The following NTM variants were observed in gnomAD, a reference collection of about 807,000 sequenced individuals.
NTM encodes the protein neurotrimin, also known as IgLON family member 2.
In NTM, 13 loss-of-function variants were observed where a neutral mutation model predicts 42.1. The observed-to-expected ratio is 0.31, with a 90% CI of 0.20 to 0.49. NTM has a LOEUF of 0.49. NTM is among the 20% of genes least tolerant of loss of function. The pLI is 0.99. For missense variants in NTM, 373 were observed against 452.8 expected (o/e 0.82, Z 1.60); for synonymous variants, 187 against 179.2 (o/e 1.04, Z -0.35).
rs879093992 is a variant in NTM, at chr11:132,322,290, T to C, written c.934+7587T>C. ...TGCTGTATTCAGGAAACCCATCTCA[T>C]GTGCAGAGACACACATAGGCTCAAA... On this transcript the variant is annotated intron_variant, in intron 7 of 8. Coordinates refer to ENST00000683400, the MANE Select transcript of NTM (RefSeq NM_001352005.2). 8.6e-3 allele frequency among the ~76,000 whole-genome samples: 1,306 copies of C among 151,768 alleles called. 21 individuals are homozygous for C. The highest frequency in any genetic ancestry group is 8.8e-3 in the Non-Finnish European group (600 of 67,894).
At chr11:132,165,155 G>T (rs1172698493) in intron 3 of NTM, among the ~76,000 whole-genome samples, 1 of 152,066 alleles carries the variant, frequency 6.6e-6, no homozygotes, top group Non-Finnish European at 1.5e-5. Flanking sequence ...GGAACCTAAT[G>T]GAATCTCCTC....
intron 1 of NTM, among the ~76,000 whole-genome samples, chr11:131,438,545 C>T (rs111857997): frequency 7.9e-5 from 12 of 152,122 alleles, no homozygotes; most frequent in African/African-American, 9.7e-5. Flanking sequence ...CTTCAATCAC[C>T]GATACCCTTT....
At chr11:132,082,922 T>C (rs1159035557) in intron 2 of NTM, among the ~76,000 whole-genome samples, 1 of 152,190 alleles carries the variant, frequency 6.6e-6, no homozygotes, top group Non-Finnish European at 1.5e-5. Context: ...ATTCTGAGGC[T>C]GCTGGCAGGC....
chr11:132,072,764 G>C (rs79304599), intron 2 of NTM, among the ~76,000 whole-genome samples: 2,284 of 152,234 alleles, frequency 0.015, 71 homozygotes, highest in African/African-American at 0.053. Context: ...CCCCGGGAGA[G>C]AGGCACAGGG....
chr11:131,585,909 C>A (rs527317460), intron 1 of NTM, among the ~76,000 whole-genome samples: 1 of 152,274 alleles, frequency 6.6e-6, no homozygotes, highest in Admixed American at 6.5e-5. Context: ...AGATTCTCAC[C>A]AATTTGCCAG....
At chr11:131,487,024 G>A (rs191067871) in intron 1 of NTM, among the ~76,000 whole-genome samples, 24 of 152,128 alleles carry the variant, frequency 1.6e-4, no homozygotes, top group African/African-American at 4.6e-4. Flanking sequence ...GTAGCACCAC[G>A]CACCCACTTG....
At chr11:131,413,067 A>C (rs1946588534) in intron 1 of NTM, among the ~76,000 whole-genome samples, 1 of 152,136 alleles carries the variant, frequency 6.6e-6, no homozygotes, top group African/African-American at 2.4e-5. Flanking sequence ...TGTGAGGTTC[A>C]CACAACTCTT....
At chr11:131,391,645 A>G (rs184398349) in intron 1 of NTM, among the ~76,000 whole-genome samples, 4,203 of 22,476 alleles carry the variant, frequency 0.19, 185 homozygotes, top group African/African-American at 0.27. Flanking sequence ...TTTATCTGGG[A>G]AAAAAAAAAA....
chr11:131,490,539 T>C (rs958200769), intron 1 of NTM, among the ~76,000 whole-genome samples: 1 of 152,154 alleles, frequency 6.6e-6, no homozygotes, highest in Non-Finnish European at 1.5e-5. Context: ...TGAATTCAGC[T>C]GGGTGCGCCT....
rs150107352 is a variant in NTM at position 132,245,703 on chromosome 11, G to A, written c.526+33556G>A. ...TTCCCACTGCCAGCTGGCCTGCAGT[G>A]GATGTTATTTGCCTCCCAGCACTGA... On this transcript the variant is annotated intron_variant, in intron 4 of 8. Transcript: ENST00000683400. Among the ~76,000 whole-genome samples the A allele has an allele frequency of 4.1e-4, 62 of 152,160 alleles. 1 individual carries two copies. The East Asian group carries it at 6.4e-3, about 16-fold the overall frequency.
intron 1 of NTM, among the ~76,000 whole-genome samples, chr11:131,530,920 G>A (rs1335378990): frequency 6.6e-6 from 1 of 152,256 alleles, no homozygotes; most frequent in Non-Finnish European, 1.5e-5. Flanking sequence ...TGGGAGAGAA[G>A]GGAGAACAGT....
At chr11:131,780,277 G>C (rs1160442116) in intron 1 of NTM, among the ~76,000 whole-genome samples, 16 of 152,140 alleles carry the variant, frequency 1.1e-4, no homozygotes, top group Admixed American at 5.2e-4. Flanking sequence ...GGTGCAGAGA[G>C]GAGTGCATAA....
At chr11:131,508,996 T>C (rs1174340418) in intron 1 of NTM, among the ~76,000 whole-genome samples, 2 of 151,798 alleles carry the variant, frequency 1.3e-5, no homozygotes, top group Non-Finnish European at 2.9e-5. Context: ...GTAACTAACC[T>C]GCACAATGTG....
At chr11:131,727,883 A>G (rs2079147696) in intron 1 of NTM, among the ~76,000 whole-genome samples, 1 of 152,224 alleles carries the variant, frequency 6.6e-6, no homozygotes, top group African/African-American at 2.4e-5. Context: ...AACATGATAT[A>G]TAGCATGCGT....
intron 1 of NTM, among the ~76,000 whole-genome samples, chr11:131,896,662 A>T (rs1240767994): frequency 1.3e-5 from 2 of 149,988 alleles, no homozygotes; most frequent in Non-Finnish European, 3.0e-5. Context: ...TACATGCCAA[A>T]TGGAGTACAT....
chr11:132,088,944 G>T (rs535473816), intron 2 of NTM, among the ~76,000 whole-genome samples: 1 of 151,974 alleles, frequency 6.6e-6, no homozygotes, highest in Non-Finnish European at 1.5e-5. Context: ...ACAAAAAGAA[G>T]CCAGAAACAG....
At chr11:132,304,817 C>A (rs138761886) in intron 4 of NTM, among the ~76,000 whole-genome samples, 1 of 152,244 alleles carries the variant, frequency 6.6e-6, no homozygotes, top group East Asian at 1.9e-4. Context: ...AACTGGTGAG[C>A]AATGAAGTCA....
At chr11:131,957,039 G>T (rs1169734864) in intron 2 of NTM, among the ~76,000 whole-genome samples, 1 of 152,200 alleles carries the variant, frequency 6.6e-6, no homozygotes, top group African/African-American at 2.4e-5. Flanking sequence ...TTAGATGGGG[G>T]AATATCATCT....
intron 1 of NTM, among the ~76,000 whole-genome samples, chr11:131,698,906 T>C (rs1186926582): frequency 6.6e-6 from 1 of 152,250 alleles, no homozygotes; most frequent in East Asian, 1.9e-4. Context: ...TTGCTACTGA[T>C]CTTTCTAACT....
Sources: gnomAD v4.1 joint callset for allele counts (sites outside exome capture counted in the v4.1 genomes callset) on GRCh38, gnomAD v4.1.1 for gene constraint, MANE v1.5 for transcripts, NCBI Gene and HGNC (gene_info 2026-07-23, HGNC 2026-07-21) for gene names.